Variants in RBMS3 observed in about 807,000 individuals in gnomAD.
The protein encoded by RBMS3 is RNA binding motif single stranded interacting protein 3.
RBMS3 carries 27 observed loss-of-function variants against 66.8 expected under a neutral mutation model. The ratio of observed to expected loss-of-function variants is 0.40; its 90% CI spans 0.30 to 0.56. RBMS3 has a LOEUF of 0.56. Ranked by LOEUF, RBMS3 falls within the 20% of genes least tolerant of loss-of-function variation. The pLI, the probability that RBMS3 is intolerant of heterozygous loss-of-function variation, is 0.40. For synonymous variants in RBMS3, 188 were observed against 183.0 expected, an observed-to-expected ratio of 1.03 and a Z score of -0.22; for missense variants, 513 against 549.5, an observed-to-expected ratio of 0.93 and a Z score of 0.66.
intron 1 of RBMS3, among the ~76,000 whole-genome samples, chr3:29,325,630 G>GTA (rs1450537400): frequency 9.8e-5 from 11 of 112,716 alleles, no homozygotes; most frequent in East Asian, 9.4e-4. Context: ...ATATATGTAT[G>GTA]TATATATATA....
chr3:29,402,848 T>C (rs1472580191), intron 1 of RBMS3, among the ~76,000 whole-genome samples: 2 of 151,992 alleles, frequency 1.3e-5, no homozygotes, highest in Non-Finnish European at 2.9e-5. Context: ...AGAATTCAAA[T>C]TGAGGGCTAG....
chr3:29,317,150 C>T (rs1326206193), intron 1 of RBMS3, among the ~76,000 whole-genome samples: 1 of 151,626 alleles, frequency 6.6e-6, no homozygotes, highest in East Asian at 1.9e-4. Flanking sequence ...TAAAAGGAAG[C>T]CTATTCATAT....
intron 2 of RBMS3, 134 bp downstream of exon 2, chr3:29,435,049 A>G: frequency 1.1e-6 from 1 of 939,334 alleles, no homozygotes; most frequent in Non-Finnish European, 1.5e-6. Flanking sequence ...AACAGGACTT[A>G]AATTTGAGAT....
At chr3:29,733,742 G>A (rs1193236399) in intron 4 of RBMS3, among the ~76,000 whole-genome samples, 1 of 151,938 alleles carries the variant, frequency 6.6e-6, no homozygotes, top group East Asian at 1.9e-4. Context: ...TTTCCTTTTA[G>A]TTGGATACAG....
chr3:29,593,410 C>A (rs1371386949), intron 4 of RBMS3, among the ~76,000 whole-genome samples: 3 of 152,090 alleles, frequency 2.0e-5, no homozygotes, highest in African/African-American at 7.2e-5. Context: ...GATGGAGCCT[C>A]CTGGTAAACA....
At chr3:29,523,905 T>A (rs919288104) in intron 3 of RBMS3, among the ~76,000 whole-genome samples, 14 of 152,030 alleles carry the variant, frequency 9.2e-5, no homozygotes, top group African/African-American at 2.7e-4. Flanking sequence ...AGGCTAATTT[T>A]AAATTTTTTT....
chr3:29,832,932 G>C (rs1199941496), intron 6 of RBMS3, among the ~76,000 whole-genome samples: 1 of 152,270 alleles, frequency 6.6e-6, no homozygotes, highest in African/African-American at 2.4e-5. Context: ...GTCTCACTCA[G>C]ACACCAAGCA....
chr3:29,839,985 A>G (rs1164786782), intron 6 of RBMS3, among the ~76,000 whole-genome samples: 1 of 152,056 alleles, frequency 6.6e-6, no homozygotes, highest in Non-Finnish European at 1.5e-5. Flanking sequence ...TTTGAAGATT[A>G]TGCAGGAATA....
At chr3:29,402,485 C>A (rs1018243832) in intron 1 of RBMS3, among the ~76,000 whole-genome samples, 9 of 152,008 alleles carry the variant, frequency 5.9e-5, no homozygotes, top group Admixed American at 2.6e-4. Flanking sequence ...CACCAGAAAT[C>A]AAAAATGTGA....
chr3:29,721,112 A>G (rs1386535366), intron 4 of RBMS3, among the ~76,000 whole-genome samples: 1 of 152,200 alleles, frequency 6.6e-6, no homozygotes, highest in Non-Finnish European at 1.5e-5. Flanking sequence ...GCAAAATAAC[A>G]TTATCTATGA....
intron 14 of RBMS3, among the ~76,000 whole-genome samples, chr3:29,995,327 T>G (rs1699149152): frequency 6.6e-6 from 1 of 152,162 alleles, no homozygotes; most frequent in Non-Finnish European, 1.5e-5. Context: ...GGAACCAAGT[T>G]GGAAAACACT....
intron 4 of RBMS3, among the ~76,000 whole-genome samples, chr3:29,633,765 T>C (rs1345481903): frequency 6.6e-6 from 1 of 151,848 alleles, no homozygotes; most frequent in Non-Finnish European, 1.5e-5. Flanking sequence ...TGTAATCAGA[T>C]CAAAGATCCA....
chr3:29,421,563 T>C (rs2040737515), intron 1 of RBMS3, among the ~76,000 whole-genome samples: 2 of 152,222 alleles, frequency 1.3e-5, no homozygotes, highest in African/African-American at 4.8e-5. Context: ...GTTAAATATG[T>C]CTTATTTTAA....
At chr3:29,963,830 A>G (rs1039586438) in intron 12 of RBMS3, among the ~76,000 whole-genome samples, 7 of 144,666 alleles carry the variant, frequency 4.8e-5, no homozygotes, top group African/African-American at 1.8e-4. Flanking sequence ...GCCCCCTCCA[A>G]AAAAAAAAAA....
intron 4 of RBMS3, among the ~76,000 whole-genome samples, chr3:29,696,207 A>G (rs918544332): frequency 3.9e-5 from 6 of 152,198 alleles, no homozygotes; most frequent in African/African-American, 1.4e-4. Context: ...CCTTACTAGC[A>G]GTGTGACTTC....
chr3:29,540,422 T>C (rs1017566871), intron 3 of RBMS3, among the ~76,000 whole-genome samples: 7 of 152,196 alleles, frequency 4.6e-5, no homozygotes, highest in East Asian at 1.9e-4. Context: ...CTGTATTCTA[T>C]ACAACATTTG....
intron 3 of RBMS3, among the ~76,000 whole-genome samples, chr3:29,555,847 C>T (rs550921601): frequency 6.0e-5 from 9 of 151,172 alleles, no homozygotes; most frequent in African/African-American, 2.0e-4. Flanking sequence ...TCAACCAATG[C>T]TCCAAAGAAA....
chr3:29,822,227 G>T (rs906536270), intron 6 of RBMS3, among the ~76,000 whole-genome samples: 3 of 152,076 alleles, frequency 2.0e-5, no homozygotes, highest in Admixed American at 2.0e-4. Flanking sequence ...GTGTGTGACT[G>T]CAAGTATTTG....
chr3:29,284,245 A>C (rs561160005), intron 1 of RBMS3, among the ~76,000 whole-genome samples: 1 of 152,260 alleles, frequency 6.6e-6, no homozygotes, highest in South Asian at 2.1e-4. Flanking sequence ...ATGTTTGATG[A>C]AAATAGAGTC....
Sources: allele counts gnomAD v4.1 joint callset (sites outside exome capture counted in the v4.1 genomes callset), GRCh38; gene constraint gnomAD v4.1.1; transcripts MANE v1.5; gene names NCBI Gene and HGNC (gene_info 2026-07-23, HGNC 2026-07-21).